Variants in NLRP8 observed in about 807,000 individuals in gnomAD.
The protein encoded by NLRP8 is NACHT, LRR and PYD domains-containing protein 8.
A neutral mutation model predicts 88.7 loss-of-function variants in NLRP8; 86 were observed. The observed-to-expected ratio is 0.97, with a 90% CI of 0.81 to 1.16. NLRP8 has a LOEUF of 1.16. Ranked by LOEUF, NLRP8 falls within the 50% of genes most tolerant of loss-of-function variation. NLRP8 has a pLI of 0.00. For synonymous variants in NLRP8, 504 were observed against 494.6 expected, an observed-to-expected ratio of 1.02 and a Z score of -0.25; for missense variants, 1,342 against 1,286.5, an observed-to-expected ratio of 1.04 and a Z score of -0.66.
At chr19:55,972,327 C>T (rs1980111115) in intron 6 of NLRP8, among the ~76,000 whole-genome samples, 1 of 151,866 alleles carries the variant, frequency 6.6e-6, no homozygotes, top group Admixed American at 6.6e-5. Flanking sequence ...GTTGGCCAGG[C>T]TGGTCTTGAA....
At chr19:55,971,314 C>A (rs546810011) in intron 6 of NLRP8, among the ~76,000 whole-genome samples, 27 of 151,894 alleles carry the variant, frequency 1.8e-4, no homozygotes, top group African/African-American at 6.5e-4. Context: ...GTGGCACGCA[C>A]CTATAATCCC....
intron 4 of NLRP8, among the ~76,000 whole-genome samples, chr19:55,962,848 C>T (rs972792757): frequency 1.3e-5 from 2 of 152,056 alleles, no homozygotes; most frequent in Non-Finnish European, 1.5e-5. Context: ...AATGCAGTCC[C>T]GCACGTGAAG....
rs538041370 is a variant in NLRP8 at position 55,988,121 on chromosome 19, G to A, written c.*208G>A. The A allele has an allele frequency of 1.5e-4, 70 of 461,168 alleles. No homozygotes were observed. Among genetic ancestry groups the A allele is most frequent in the African/African-American group, 1.4e-3 (68 of 50,304 alleles). The allele number at this position is 461,168 out of a possible 1,614,324, so 28.6% of individuals were successfully genotyped here. Reference sequence around the variant, plus strand: ...TAATATGCTATGTAAGGCTGGGCGTGGTGGCTCACGCCTGTAACCCAGCAC... The same window carrying A: ...TAATATGCTATGTAAGGCTGGGCGTAGTGGCTCACGCCTGTAACCCAGCAC... On this transcript the variant is annotated 3_prime_UTR_variant, in exon 10 of 10. Coordinates refer to ENST00000291971, the MANE Select transcript of NLRP8 (RefSeq NM_176811.2).
In NLRP8 at chr19:55,979,468, G is replaced by C; in HGVS notation, c.2951G>C (p.Arg984Thr). The change falls in exon 9 of 10, where the codon AGA becomes ACA. Residue 984 changes from arginine (R) to threonine (T), a missense_variant. Transcript: ENST00000291971. ...ATGCTCCGCAAAAACCAACATCTGA[G>C]ACATCTGGACTTGAGCAAGAATGCG... The C allele has an allele frequency of 6.2e-7, 1 of 1,614,216 alleles. No individual in the cohort carries two copies.
At position 55,954,636 on chromosome 19, in the gene NLRP8, T is replaced by C. The variant is rs778191150; in HGVS notation, c.578T>C (p.Leu193Pro). The change falls in exon 3 of 10, where the codon CTT (leucine) becomes CCT (proline). Residue 193 changes from leucine (L) to proline (P), a missense_variant. By Grantham distance (98) the Leu-to-Pro change is moderately conservative. Coordinates refer to ENST00000291971, the MANE Select transcript of NLRP8 (RefSeq NM_176811.2). ...CACGAGGAGTACTTACCATGTCTGC[T>C]TCTGCCCAAAAGACCCCAGGGTAGA... 5 of 1,614,082 alleles carry C rather than the reference T, an allele frequency of 3.1e-6. No homozygotes were observed. In the South Asian group the frequency reaches 4.4e-5, roughly 14 times the overall value.
rs758325901 is a variant in NLRP8, at chr19:55,952,544, T to C, written c.374T>C (p.Leu125Pro). ...CTCCTTTTTTCTGTTACAGCCATTCTGCCTACCTTGGAACCAGAGGACTTG... is the reference window on the plus strand; with the variant it reads ...CTCCTTTTTTCTGTTACAGCCATTCCGCCTACCTTGGAACCAGAGGACTTG... The change falls in exon 2 of 10, where the codon CTG becomes CCG. Residue 125 changes from leucine to proline, a missense_variant. Leu to Pro is a moderately conservative substitution (Grantham distance 98). Transcript: ENST00000291971. 9 of 1,613,728 alleles carry C rather than the reference T, an allele frequency of 5.6e-6. No homozygotes were observed. Among genetic ancestry groups the C allele is most frequent in the Non-Finnish European group, 7.6e-6 (9 of 1,179,766 alleles).
chr19:55,954,765 A>G lies in NLRP8; in HGVS notation c.707A>G (p.Lys236Arg), dbSNP rs144060853. 121 of 1,614,118 alleles carry G rather than the reference A, an allele frequency of 7.5e-5. 1 individual carries two copies. In the African/African-American group the frequency reaches 1.0e-3, roughly 14 times the overall value. ...GCCAGAAACAAGTTCTACGCCCACAAGCGCTGGTGTGCTTTCTACTTCCAT... is the reference window on the plus strand; with the variant it reads ...GCCAGAAACAAGTTCTACGCCCACAGGCGCTGGTGTGCTTTCTACTTCCAT... The change falls in exon 3 of 10, where the codon AAG becomes AGG. Residue 236 changes from lysine (K) to arginine (R), a missense_variant. Lys to Arg is a conservative substitution (Grantham distance 26). Coordinates refer to ENST00000291971, the MANE Select transcript of NLRP8 (RefSeq NM_176811.2).
chr19:55,987,925 A>C lies in NLRP8; in HGVS notation c.*12A>C. 1 of 1,590,378 alleles carries C rather than the reference A, an allele frequency of 6.3e-7. No homozygotes were observed. Among genetic ancestry groups the C allele is most frequent in the Non-Finnish European group, 8.6e-7 (1 of 1,158,432 alleles). On this transcript the variant is annotated 3_prime_UTR_variant, in exon 10 of 10. Coordinates refer to ENST00000291971, the MANE Select transcript of NLRP8 (RefSeq NM_176811.2). ...AGATTAATCCTTAGGCCGTCCAGTC[A>C]TCTTTCTCTGGGGCTTGATTGATCA...
At chr19:55,956,849 G>A (rs1979378381) in intron 3 of NLRP8, among the ~76,000 whole-genome samples, 1 of 152,118 alleles carries the variant, frequency 6.6e-6, no homozygotes, top group Admixed American at 6.5e-5. Flanking sequence ...CAGGAAGGCA[G>A]TGGTACGATC....
intron 2 of NLRP8, among the ~76,000 whole-genome samples, chr19:55,953,834 C>G (rs548541662): frequency 7.9e-6 from 1 of 126,488 alleles, no homozygotes; most frequent in East Asian, 2.7e-4. Flanking sequence ...CAGAGTCTCA[C>G]TCTGTCACCC....
chr19:55,968,606 G>A (rs1979944362), intron 5 of NLRP8, among the ~76,000 whole-genome samples: 1 of 151,760 alleles, frequency 6.6e-6, no homozygotes, highest in Admixed American at 6.6e-5. Context: ...CAGTTGTGGT[G>A]GCTCACACCT....
In NLRP8 at chr19:55,966,255, C is replaced by G. The variant is rs61740147; in HGVS notation, c.2256C>G (p.Ile752Met). 3.3e-4 allele frequency: 529 copies of G among 1,614,046 alleles called. 3 individuals are homozygous for G. The African/African-American group carries it at 5.3e-3, about 16-fold the overall frequency. ...GCACCATGTTGAACCAGGACTTAAT[C>G]GGTGTTTTGACGGGGAACCAGCATC... is the stretch of plus-strand genomic sequence containing the variant. Residue 752 changes from isoleucine to methionine, a missense_variant, in exon 5 of 10, where the codon ATC (isoleucine) becomes ATG (methionine). Physicochemically the swap from Ile to Met is conservative, Grantham distance 10. Transcript: ENST00000291971.
chr19:55,954,427 T>C, intron 2 of NLRP8, 74 bp from the exon 3 acceptor site: 1 of 1,455,462 alleles, frequency 6.9e-7, no homozygotes, highest in Non-Finnish European at 9.4e-7. Flanking sequence ...GAGACTGGTT[T>C]TCTTATTGCT....
At chr19:55,954,045 C>T (rs1413546039) in intron 2 of NLRP8, among the ~76,000 whole-genome samples, 1 of 151,376 alleles carries the variant, frequency 6.6e-6, no homozygotes, top group Non-Finnish European at 1.5e-5. Context: ...CCAAGTGATC[C>T]ACCATCCTCA....
In NLRP8 at chr19:55,950,580, G is replaced by A. The variant is rs137952445; in HGVS notation, c.368-1958G>A. 4.0e-3 allele frequency among the ~76,000 whole-genome samples: 605 copies of A among 152,304 alleles called. 3 individuals are homozygous for A. The highest frequency in any genetic ancestry group is 0.014 in the African/African-American group (581 of 41,562). The stretch of plus-strand genomic sequence containing the variant: ...TTCAAGATCATTCCCAGACAGCAAC[G>A]CAGCAAAAAAATCGAGCTGACCTCC... On this transcript the variant is annotated intron_variant, in intron 1 of 9. Coordinates refer to ENST00000291971, the MANE Select transcript of NLRP8 (RefSeq NM_176811.2).
chr19:55,986,442 ACTCT>A lies in NLRP8; in HGVS notation c.3048-1364_3048-1361del, dbSNP rs143870298. On this transcript the variant is annotated intron_variant, in intron 9 of 9. Transcript: ENST00000291971. Reference sequence around the variant, plus strand: ...CATTCTCTCTCTCACACACACATGCACTCTCTCTCTCACACACACACTCTCTCAC... The same window carrying A: ...CATTCTCTCTCTCACACACACATGCACTCTCTCACACACACACTCTCTCAC... 2.7e-3 allele frequency among the ~76,000 whole-genome samples: 340 copies of A among 128,076 alleles called. 4 individuals carry two copies. The highest frequency in any genetic ancestry group is 9.3e-3 in the African/African-American group (290 of 31,252). The allele number at this position is 128,076 out of a possible 152,430, so 84.0% of individuals were successfully genotyped here.
chr19:55,983,409 A>G (rs1980653163), intron 9 of NLRP8, among the ~76,000 whole-genome samples: 1 of 143,930 alleles, frequency 6.9e-6, no homozygotes, highest in African/African-American at 2.6e-5. Flanking sequence ...GGTTGCAGTG[A>G]GCCAAGATTT....
chr19:55,987,293 C>T (rs774770958), intron 9 of NLRP8, among the ~76,000 whole-genome samples: 40 of 152,308 alleles, frequency 2.6e-4, no homozygotes, highest in Non-Finnish European at 4.9e-4. Context: ...TCGCTTTAAC[C>T]CAGGAGGCAG....
chr19:55,948,137 G>A lies in NLRP8; in HGVS notation c.235G>A (p.Ala79Thr). 1 of 1,614,192 alleles carries A rather than the reference G, an allele frequency of 6.2e-7. No individual in the cohort carries two copies. Among genetic ancestry groups the A allele is most frequent in the South Asian group, 1.1e-5 (1 of 91,084 alleles). ...CATCACCTGGGACCAGGTCGAGACA[G>A]CCAGCTGGGCAGAGGTGGTTCATCT... Residue 79 changes from alanine (A) to threonine (T), a missense_variant, in exon 1 of 10, where the codon GCC becomes ACC. Transcript: ENST00000291971.
Sources: gnomAD v4.1 joint callset for allele counts (sites outside exome capture counted in the v4.1 genomes callset) on GRCh38, gnomAD v4.1.1 for gene constraint, MANE v1.5 for transcripts, NCBI Gene and HGNC (gene_info 2026-07-23, HGNC 2026-07-21) for gene names.